The following NRG1 variants were observed in gnomAD, a reference collection of about 807,000 sequenced individuals.
The protein encoded by NRG1 is neuregulin 1.
A neutral mutation model predicts 63.8 loss-of-function variants in NRG1; 18 were observed. The observed-to-expected ratio is 0.28, with a 90% CI of 0.19 to 0.42. The LOEUF (loss-of-function observed/expected upper bound fraction) is 0.42, where lower values mean the gene tolerates loss of function less well. Among genes scored for constraint, NRG1 ranks in the 10% least tolerant of loss-of-function variants. NRG1 has a pLI of 1.00. For missense variants in NRG1, 762 were observed against 814.7 expected (o/e 0.94, Z 0.79); for synonymous variants, 302 against 301.3 (o/e 1.00, Z -0.02).
intron 11 of NRG1, chr8:32,761,085 G>C (rs1221020660): frequency 1.4e-6 from 1 of 702,558 alleles, no homozygotes; most frequent in African/African-American, 1.9e-5. Context: ...GGGGAGATTG[G>C]GTTGGGTTGG....
intron 1 of NRG1, among the ~76,000 whole-genome samples, chr8:31,897,449 C>T (rs938320008): frequency 6.6e-6 from 1 of 152,092 alleles, no homozygotes; most frequent in East Asian, 1.9e-4. Flanking sequence ...TTTGCCATAT[C>T]TTGGAATAGT....
At chr8:32,448,589 T>C (rs905419655) in intron 1 of NRG1, among the ~76,000 whole-genome samples, 11 of 152,130 alleles carry the variant, frequency 7.2e-5, no homozygotes, top group Non-Finnish European at 1.3e-4. Flanking sequence ...GGCCCTGAAG[T>C]GCTCCTAAGG....
At chr8:32,047,415 A>G (rs1313588692) in intron 1 of NRG1, among the ~76,000 whole-genome samples, 2 of 152,104 alleles carry the variant, frequency 1.3e-5, no homozygotes, top group Admixed American at 1.3e-4. Context: ...AATATGGTTG[A>G]AAGGAGAATA....
intron 1 of NRG1, among the ~76,000 whole-genome samples, chr8:32,164,013 G>A (rs1839138128): frequency 6.6e-6 from 1 of 152,202 alleles, no homozygotes; most frequent in African/African-American, 2.4e-5. Flanking sequence ...ATGTACGTGT[G>A]TGAATGTGTA....
At position 32,664,074 on chromosome 8, in the gene NRG1, T is replaced by C. The variant is rs190603268; in HGVS notation, c.502+47189T>C. ...GTGTTTTATATTATGAATTAGGTTT[T>C]AAGTCTCATCTTTGGTTTTATTTAC... On this transcript the variant is annotated intron_variant, in intron 5 of 11. Coordinates refer to ENST00000356819, the Ensembl canonical transcript of NRG1. 3.3e-5 allele frequency among the ~76,000 whole-genome samples: 5 copies of C among 152,294 alleles called. No individual in the cohort carries two copies. In the East Asian group the frequency reaches 7.7e-4, roughly 24 times the overall value.
Position 32,267,407 on chromosome 8 carries a change from G to T in NRG1, c.38-328421G>T, listed in dbSNP as rs545729211. 3.9e-5 allele frequency among the ~76,000 whole-genome samples: 6 copies of T among 152,262 alleles called. No individual in the cohort carries two copies. In the South Asian group the frequency reaches 1.0e-3, roughly 26 times the overall value. ...TTGGCACAAGTCAACTTTTCCCCCT[G>T]GCTTAGATGTAGTTGTGCCTTTCAA... On this transcript the variant is annotated intron_variant, in intron 1 of 10. Coordinates refer to the NRG1 transcript ENST00000519301.
chr8:32,642,019 A>G (rs1852491897), intron 5 of NRG1, among the ~76,000 whole-genome samples: 1 of 152,220 alleles, frequency 6.6e-6, no homozygotes, highest in South Asian at 2.1e-4. Context: ...CCCTCCACTG[A>G]TAGGATCTGT....
At chr8:32,064,715 G>A (rs1197897262) in intron 1 of NRG1, among the ~76,000 whole-genome samples, 1 of 152,100 alleles carries the variant, frequency 6.6e-6, no homozygotes, top group Non-Finnish European at 1.5e-5. Context: ...TGGGGGAAAT[G>A]ACTCATTTAC....
At chr8:32,123,507 G>T (rs922091971) in intron 1 of NRG1, among the ~76,000 whole-genome samples, 1 of 151,512 alleles carries the variant, frequency 6.6e-6, no homozygotes, top group African/African-American at 2.4e-5. Flanking sequence ...AAATTACCCA[G>T]TCTTGGGTAT....
intron 1 of NRG1, among the ~76,000 whole-genome samples, chr8:31,842,375 C>A (rs1441594490): frequency 6.6e-6 from 1 of 152,182 alleles, no homozygotes; most frequent in Admixed American, 6.5e-5. Context: ...TGTTTGTTTT[C>A]TCCATACTTG....
intron 5 of NRG1, among the ~76,000 whole-genome samples, chr8:32,626,960 C>A (rs1328504473): frequency 1.3e-5 from 2 of 151,936 alleles, no homozygotes; most frequent in African/African-American, 4.8e-5. Flanking sequence ...GCGGAGGTTG[C>A]AGTGAGCTGA....
rs73673933 is a variant in NRG1, at chr8:31,908,278, G to A, written c.37+268847G>A. On this transcript the variant is annotated intron_variant, in intron 1 of 10. Transcript: ENST00000519301. ...TTCCTAAGTACAGGGGAAAAGCATC[G>A]ATTTGTAAGTCAACATGACATTAGT... 8.2e-3 allele frequency among the ~76,000 whole-genome samples: 1,242 copies of A among 152,268 alleles called. 20 individuals carry two copies. The highest frequency in any genetic ancestry group is 0.027 in the African/African-American group (1,112 of 41,540).
At chr8:32,485,263 C>A (rs147834238) in intron 1 of NRG1, among the ~76,000 whole-genome samples, 224 of 152,128 alleles carry the variant, frequency 1.5e-3, no homozygotes, top group Non-Finnish European at 2.5e-3. Flanking sequence ...TATAGTACCA[C>A]GCCCAGCTAA....
chr8:32,763,914 C>T (rs762097359), exon 12 of NRG1: 1 of 1,614,056 alleles, frequency 6.2e-7, no homozygotes, highest in South Asian at 1.1e-5. Context: ...GAGACCTCTA[C>T]TTCTCGTGAC....
At chr8:32,005,102 G>C (rs1226213742) in intron 1 of NRG1, among the ~76,000 whole-genome samples, 2 of 151,414 alleles carry the variant, frequency 1.3e-5, no homozygotes, top group East Asian at 2.0e-4. Flanking sequence ...AAGGAAAAAG[G>C]GAAGGGAGGA....
At chr8:32,248,104 C>T (rs1400528287) in intron 1 of NRG1, among the ~76,000 whole-genome samples, 2 of 152,064 alleles carry the variant, frequency 1.3e-5, no homozygotes, top group Non-Finnish European at 2.9e-5. Flanking sequence ...TATATGACTT[C>T]AGAATAAAAT....
chr8:32,359,366 T>C (rs1358909326), intron 1 of NRG1, among the ~76,000 whole-genome samples: 3 of 152,140 alleles, frequency 2.0e-5, no homozygotes, highest in Non-Finnish European at 2.9e-5. Flanking sequence ...TATATATGTA[T>C]TTTTTTATTT....
chr8:31,878,830 A>G lies in NRG1; in HGVS notation c.37+239399A>G, dbSNP rs534614574. 4.4e-4 allele frequency among the ~76,000 whole-genome samples: 67 copies of G among 152,286 alleles called. 2 individuals carry two copies. The South Asian group carries it at 0.014, about 32-fold the overall frequency. ...TCCTCACCGTGCAGCTCTCTTCAGT[A>G]TGGCCACTTACTTCATTGAAGCCAC... On this transcript the variant is annotated intron_variant, in intron 1 of 10. Transcript: ENST00000519301.
chr8:31,933,008 T>A (rs1834991177), intron 1 of NRG1, among the ~76,000 whole-genome samples: 3 of 152,338 alleles, frequency 2.0e-5, no homozygotes, highest in South Asian at 4.1e-4. Context: ...ATTTACAAAA[T>A]CATTTTGTGG....
Sources: allele counts gnomAD v4.1 joint callset (sites outside exome capture counted in the v4.1 genomes callset), GRCh38; gene constraint gnomAD v4.1.1; transcripts MANE v1.5; gene names NCBI Gene and HGNC (gene_info 2026-07-23, HGNC 2026-07-21).